NCF2: variants seen among roughly 807,000 people sequenced by gnomAD.
The protein encoded by NCF2 is neutrophil cytosolic factor 2.
Under a neutral mutation model 70.9 loss-of-function variants are expected in NCF2, and 45 were observed. The ratio of observed to expected loss-of-function variants is 0.63; its 90% CI spans 0.50 to 0.81. The LOEUF is 0.81. Ranked by LOEUF, NCF2 falls within the 40% of genes least tolerant of loss-of-function variation. The pLI is 0.00. For synonymous variants in NCF2, 203 were observed against 233.6 expected (o/e 0.87, Z 1.19); for missense variants, 522 against 631.6 (o/e 0.83, Z 1.86).
At chr1:183,584,776 G>A (rs1165855404) in intron 2 of NCF2, among the ~76,000 whole-genome samples, 1 of 152,134 alleles carries the variant, frequency 6.6e-6, no homozygotes, top group Non-Finnish European at 1.5e-5. Context: ...GTTAAGAGCG[G>A]GGACAGGCAG....
intron 2 of NCF2, among the ~76,000 whole-genome samples, chr1:183,584,427 G>A (rs1456126939): frequency 6.6e-6 from 1 of 152,146 alleles, no homozygotes; most frequent in East Asian, 1.9e-4. Context: ...ATAAAACTCG[G>A]TAGATTTTTC....
At chr1:183,557,706 T>G (rs1055607093) in intron 14 of NCF2, among the ~76,000 whole-genome samples, 2 of 152,192 alleles carry the variant, frequency 1.3e-5, no homozygotes, top group African/African-American at 4.8e-5. Context: ...AAAGGTTGTT[T>G]TAGTGTGTTC....
chr1:183,574,296 A>G (rs1032879481), intron 4 of NCF2, among the ~76,000 whole-genome samples, 191 bp downstream of exon 4: 7 of 152,194 alleles, frequency 4.6e-5, no homozygotes, highest in African/African-American at 1.7e-4. Flanking sequence ...GGGCTCTGCC[A>G]TCCCATACTC....
Position 183,571,487 on chromosome 1 carries a change from T to G in NCF2, c.610-648A>C, listed in dbSNP as rs182494030. Among the ~76,000 whole-genome samples the G allele has an allele frequency of 1.9e-4, 29 of 152,276 alleles. 1 individual carries two copies. The highest frequency in any genetic ancestry group is 1.9e-3 in the Admixed American group (29 of 15,296). On this transcript the variant is annotated intron_variant, in intron 5 of 14. Coordinates refer to ENST00000367535, the MANE Select transcript of NCF2 (RefSeq NM_000433.4). ...TTCACAATGCTGTGCAACTACTGCC[T>G]CTCTCTAATTCCAAAATATTTTCAT...
chr1:183,590,101 A>G (rs1050136355), intron 1 of NCF2, 55 bp downstream of exon 1: 1 of 1,611,156 alleles, frequency 6.2e-7, no homozygotes, highest in African/African-American at 1.3e-5. Flanking sequence ...AATGGGGTTG[A>G]GAATCATAAT....
Position 183,574,545 on chromosome 1 carries a change from G to A in NCF2, c.443C>T (p.Thr148Met), listed in dbSNP as rs764142541. 8.1e-6 allele frequency: 13 copies of A among 1,614,086 alleles called. No homozygotes were observed. Among genetic ancestry groups the A allele is most frequent in the Admixed American group, 3.3e-5 (2 of 60,004 alleles). ...ATGTCTGGGCTCAGACTTCATGCTC[G>A]TGGCCAATGCTAACTGTTCTTCAGC... Reference protein sequence around the residue: ...KKAEEQLALATSMKSEPRHSK... With the variant: ...KKAEEQLALAMSMKSEPRHSK... The change falls in exon 4 of 15, where the codon ACG (threonine) becomes ATG (methionine). Residue 148 changes from threonine to methionine, a missense_variant. Thr to Met is a moderately conservative substitution (Grantham distance 81). Coordinates refer to ENST00000367535, the MANE Select transcript of NCF2 (RefSeq NM_000433.4).
intron 14 of NCF2, among the ~76,000 whole-genome samples, chr1:183,559,656 T>G (rs1277321655): frequency 2.0e-5 from 3 of 152,124 alleles, no homozygotes; most frequent in African/African-American, 7.2e-5. Context: ...GCCAGGAGTT[T>G]GAGACCAGCC....
At position 183,556,861 on chromosome 1, in the gene NCF2, C is replaced by G. The variant is rs200287180; in HGVS notation, c.1469-631G>C. On this transcript the variant is annotated intron_variant, in intron 14 of 14. Coordinates refer to ENST00000367535, the MANE Select transcript of NCF2 (RefSeq NM_000433.4). Reference sequence around the variant, plus strand: ...TTAAGAGAGGAGAGAATTTTACCTGCGCTTTGTTGGGAATCTTTGTTTTGA... The same window carrying G: ...TTAAGAGAGGAGAGAATTTTACCTGGGCTTTGTTGGGAATCTTTGTTTTGA... Among the ~76,000 whole-genome samples the G allele has an allele frequency of 3.9e-5, 6 of 152,160 alleles. No homozygotes were observed. In the East Asian group the frequency reaches 5.8e-4, roughly 15 times the overall value.
At chr1:183,583,805 G>A (rs1488902698) in intron 2 of NCF2, among the ~76,000 whole-genome samples, 1 of 152,238 alleles carries the variant, frequency 6.6e-6, no homozygotes, top group Non-Finnish European at 1.5e-5. Flanking sequence ...CATAGGAACA[G>A]GCAAGGGAAT....
chr1:183,564,137 T>G, intron 10 of NCF2, 107 bp from the exon 11 acceptor site: 1 of 1,079,756 alleles, frequency 9.3e-7, no homozygotes, highest in Non-Finnish European at 1.4e-6. Context: ...GCCCCCAACC[T>G]CTTACCCTTT....
At position 183,556,089 on chromosome 1, in the gene NCF2, T is replaced by C; in HGVS notation, c.*29A>G. On this transcript the variant is annotated 3_prime_UTR_variant, in exon 15 of 15. Coordinates refer to ENST00000367535, the MANE Select transcript of NCF2 (RefSeq NM_000433.4). ...TACAAACAAGTAATAGGGCTTCATT[T>C]TCTTCAGCTTTGTAGTTTGTGAAAC... The C allele has an allele frequency of 6.3e-7, 1 of 1,576,342 alleles. No homozygotes were observed. The highest frequency in any genetic ancestry group is 1.1e-5 in the South Asian group (1 of 90,310).
At chr1:183,566,818 C>A in intron 9 of NCF2, 102 bp downstream of exon 9, 1 of 1,441,890 alleles carries the variant, frequency 6.9e-7, no homozygotes, top group South Asian at 1.2e-5. Context: ...GAATCTTTCT[C>A]CAGGGGTCCT....
intron 14 of NCF2, among the ~76,000 whole-genome samples, chr1:183,558,075 A>T (rs887143566): frequency 6.6e-6 from 1 of 151,634 alleles, no homozygotes. Flanking sequence ...GGGTTTCACC[A>T]TGTTGGCCAG....
At chr1:183,591,481 C>CTTTTT (rs1336269208), upstream of NCF2, among the ~76,000 whole-genome samples, 2 of 137,924 alleles carry the variant, frequency 1.5e-5, no homozygotes, top group African/African-American at 2.7e-5. Flanking sequence ...CCTGAAATAA[C>CTTTTT]TTTTTTTTTT....
chr1:183,568,495 G>A (rs994926435), intron 7 of NCF2, among the ~76,000 whole-genome samples: 1 of 151,858 alleles, frequency 6.6e-6, no homozygotes, highest in African/African-American at 2.4e-5. Context: ...CTTTTTGGGT[G>A]GGAGGACCAG....
chr1:183,561,987 G>GT (rs756141875), intron 13 of NCF2, among the ~76,000 whole-genome samples: 1 of 151,782 alleles, frequency 6.6e-6, no homozygotes, highest in Non-Finnish European at 1.5e-5. Flanking sequence ...TAGAGATGGG[G>GT]TTTCACCATG....
intron 1 of NCF2, among the ~76,000 whole-genome samples, chr1:183,588,140 C>T (rs1404827850): frequency 2.0e-5 from 3 of 152,088 alleles, no homozygotes; most frequent in East Asian, 1.9e-4. Context: ...AACAATGCAG[C>T]GAGACTGTGC....
intron 11 of NCF2, 110 bp from the exon 12 acceptor site, chr1:183,563,695 GGAGAGGCCA>G: frequency 1.5e-6 from 2 of 1,348,484 alleles, no homozygotes; most frequent in Admixed American, 3.5e-5. Flanking sequence ...ATACAGCAGG[GGAGAGGCCA>G]GTAAGTAACT....
At position 183,560,246 on chromosome 1, in the gene NCF2, TG is replaced by T; in HGVS notation, c.1317del (p.Lys440ArgfsTer44). The T allele has an allele frequency of 6.2e-7, 1 of 1,614,190 alleles. No homozygotes were observed. Among genetic ancestry groups the T allele is most frequent in the Non-Finnish European group, 8.5e-7 (1 of 1,180,032 alleles). ...TTAGCATCAGCTTTTTCACTTTCCT[TG>T]GGTTCATCTGGAAAGCCTTGGTCAC... ...TVGDQGFPDE[P>X]KESEKADANN... On this transcript the variant is annotated frameshift_variant, in exon 14 of 15. Transcript: ENST00000367535. LOFTEE classifies it high-confidence loss of function.
Sources: gnomAD v4.1 joint callset for allele counts (sites outside exome capture counted in the v4.1 genomes callset) on GRCh38, gnomAD v4.1.1 for gene constraint, MANE v1.5 for transcripts, NCBI Gene and HGNC (gene_info 2026-07-23, HGNC 2026-07-21) for gene names.